Variants in GPC5 observed in about 807,000 individuals in gnomAD.
GPC5 encodes the protein glypican-5.
A neutral mutation model predicts 53.9 loss-of-function variants in GPC5; 47 were observed. The ratio of observed to expected loss-of-function variants is 0.87; its 90% confidence interval spans 0.69 to 1.11. The LOEUF is 1.11. GPC5 is among the 50% of genes most tolerant of loss of function. The pLI is 0.00. For synonymous variants in GPC5, 286 were observed against 263.3 expected (o/e 1.09, Z -0.84); for missense variants, 748 against 713.1 (o/e 1.05, Z -0.56).
chr13:92,792,216 C>T (rs1209128979), intron 7 of GPC5, among the ~76,000 whole-genome samples: 1 of 152,070 alleles, frequency 6.6e-6, no homozygotes, highest in East Asian at 1.9e-4. Context: ...GATCTCTCGG[C>T]AGAAACCCTA....
chr13:92,115,188 C>A lies in GPC5; in HGVS notation c.1402-29642C>A, dbSNP rs115328001. On this transcript the variant is annotated intron_variant, in intron 6 of 7. Transcript: ENST00000377067. ...CTGTAAGTTTGGATAAATGCATAGT[C>A]ATGTAACCACCACCAAAATTAAAAT... is the stretch of plus-strand genomic sequence containing the variant. 8.4e-3 allele frequency among the ~76,000 whole-genome samples: 1,284 copies of A among 152,230 alleles called. 23 individuals carry two copies. The highest frequency in any genetic ancestry group is 0.029 in the African/African-American group (1,219 of 41,518).
intron 6 of GPC5, among the ~76,000 whole-genome samples, chr13:92,010,105 A>C (rs974749931): frequency 6.6e-6 from 1 of 152,216 alleles, no homozygotes; most frequent in Non-Finnish European, 1.5e-5. Context: ...TATTTCTAAA[A>C]TACTGCATTC....
At chr13:92,658,684 G>C (rs1566347434) in intron 7 of GPC5, among the ~76,000 whole-genome samples, 1 of 152,128 alleles carries the variant, frequency 6.6e-6, no homozygotes, top group East Asian at 1.9e-4. Context: ...AGAAGGAAGA[G>C]ATAGGCATTT....
intron 7 of GPC5, among the ~76,000 whole-genome samples, chr13:92,814,597 G>A (rs1279458150): frequency 1.3e-5 from 2 of 151,364 alleles, no homozygotes; most frequent in Non-Finnish European, 1.5e-5. Flanking sequence ...GGAGCCAGAG[G>A]CTGCAGTGAG....
At chr13:91,825,201 A>C (rs2038558127) in intron 5 of GPC5, among the ~76,000 whole-genome samples, 1 of 152,006 alleles carries the variant, frequency 6.6e-6, no homozygotes, top group Non-Finnish European at 1.5e-5. Context: ...GAGAATATCA[A>C]AAGAGTATGA....
rs143309883 is a variant in GPC5 at position 92,479,883 on chromosome 13, C to A, written c.1561+334894C>A. Among the ~76,000 whole-genome samples, 475 of 152,116 alleles carry A rather than the reference C, an allele frequency of 3.1e-3. 3 individuals are homozygous for A. The highest frequency in any genetic ancestry group is 0.011 in the African/African-American group (460 of 41,492). Reference sequence around the variant, plus strand: ...CCTTATGTGTGTGTATGATAACTTGCGATGTAAAATGCGTTTCTCAATATA... The same window carrying A: ...CCTTATGTGTGTGTATGATAACTTGAGATGTAAAATGCGTTTCTCAATATA... On this transcript the variant is annotated intron_variant, in intron 7 of 7. Coordinates refer to ENST00000377067, the MANE Select transcript of GPC5 (RefSeq NM_004466.6).
intron 6 of GPC5, among the ~76,000 whole-genome samples, chr13:92,141,008 C>T (rs1408414376): frequency 6.6e-6 from 1 of 152,072 alleles, no homozygotes; most frequent in Non-Finnish European, 1.5e-5. Context: ...GAAACACTTC[C>T]ATGTGGATGT....
chr13:92,376,920 G>A (rs7321804), intron 7 of GPC5, among the ~76,000 whole-genome samples: 3,891 of 152,168 alleles, frequency 0.026, 162 homozygotes, highest in African/African-American at 0.088. Flanking sequence ...GGAGGCTGAG[G>A]CAGGAGAGTT....
chr13:92,036,518 T>G (rs117394147), intron 6 of GPC5, among the ~76,000 whole-genome samples: 1 of 152,250 alleles, frequency 6.6e-6, no homozygotes, highest in Non-Finnish European at 1.5e-5. Flanking sequence ...GATTTCAAGC[T>G]GTTTGAATCA....
intron 6 of GPC5, among the ~76,000 whole-genome samples, chr13:92,143,021 T>A (rs948756718): frequency 6.6e-6 from 1 of 152,198 alleles, no homozygotes; most frequent in African/African-American, 2.4e-5. Flanking sequence ...AATCAAAATG[T>A]ATTAATGTTT....
chr13:92,282,218 A>T (rs1466964944), intron 7 of GPC5, among the ~76,000 whole-genome samples: 2 of 152,188 alleles, frequency 1.3e-5, no homozygotes, highest in East Asian at 3.8e-4. Flanking sequence ...AAAGAAATGA[A>T]CAAAGCCTCC....
intron 2 of GPC5, among the ~76,000 whole-genome samples, chr13:91,458,404 G>C (rs916104796): frequency 1.3e-5 from 2 of 152,054 alleles, no homozygotes; most frequent in Non-Finnish European, 2.9e-5. Flanking sequence ...GGGAAAACTT[G>C]AAAACATTCC....
intron 7 of GPC5, among the ~76,000 whole-genome samples, chr13:92,332,505 T>C (rs567184256): frequency 4.6e-5 from 7 of 152,304 alleles, no homozygotes; most frequent in African/African-American, 1.7e-4. Flanking sequence ...CCTCAATCCT[T>C]AGTTTTCACA....
intron 7 of GPC5, among the ~76,000 whole-genome samples, chr13:92,627,810 A>T (rs1401528569): frequency 6.6e-6 from 1 of 152,158 alleles, no homozygotes; most frequent in Non-Finnish European, 1.5e-5. Context: ...ATGTTCTCCT[A>T]TCTTTCTATC....
At chr13:92,647,974 C>T (rs1253718004) in intron 7 of GPC5, among the ~76,000 whole-genome samples, 1 of 151,914 alleles carries the variant, frequency 6.6e-6, no homozygotes, top group African/African-American at 2.4e-5. Flanking sequence ...GGTACTGCAA[C>T]CAAATGTGTT....
chr13:91,763,710 G>A (rs1379827370), intron 5 of GPC5, among the ~76,000 whole-genome samples: 1 of 152,084 alleles, frequency 6.6e-6, no homozygotes, highest in East Asian at 1.9e-4. Context: ...TACTCTCCCT[G>A]CCTTCCTCTA....
intron 2 of GPC5, among the ~76,000 whole-genome samples, chr13:91,640,799 A>AC (rs1491402407): frequency 7.9e-6 from 1 of 126,698 alleles, no homozygotes; most frequent in African/African-American, 3.2e-5. Flanking sequence ...ACTCCTCAGG[A>AC]AAAAAAAAAA....
intron 6 of GPC5, among the ~76,000 whole-genome samples, chr13:92,045,578 G>A (rs1424556308): frequency 6.6e-6 from 1 of 152,058 alleles, no homozygotes. Flanking sequence ...CACAAACATC[G>A]TCATTTCAAA....
chr13:91,871,916 G>T (rs182756219), intron 5 of GPC5, among the ~76,000 whole-genome samples: 2 of 152,022 alleles, frequency 1.3e-5, no homozygotes, highest in African/African-American at 4.8e-5. Context: ...AAGAAGAAAC[G>T]CAAAATTCTA....
Sources: gnomAD v4.1 joint callset for allele counts (sites outside exome capture counted in the v4.1 genomes callset) on GRCh38, gnomAD v4.1.1 for gene constraint, MANE v1.5 for transcripts, NCBI Gene and HGNC (gene_info 2026-07-23, HGNC 2026-07-21) for gene names.